Variants in TACC1 observed in about 807,000 individuals in gnomAD.
TACC1 encodes the protein transforming acidic coiled-coil containing protein 1.
A neutral mutation model predicts 84.4 loss-of-function variants in TACC1; 48 were observed. The ratio of observed to expected loss-of-function variants is 0.57; its 90% CI spans 0.45 to 0.72. The LOEUF (loss-of-function observed/expected upper bound fraction) is 0.72, where lower values mean the gene tolerates loss of function less well. Ranked by LOEUF, TACC1 falls within the 30% of genes least tolerant of loss-of-function variation. TACC1 has a pLI of 0.00. For synonymous variants in TACC1, 372 were observed against 376.3 expected, an observed-to-expected ratio of 0.99 and a Z score of 0.13; for missense variants, 920 against 973.0, an observed-to-expected ratio of 0.95 and a Z score of 0.72.
chr8:38,809,435 T>C (rs1028784424), intron 2 of TACC1, among the ~76,000 whole-genome samples: 1 of 152,080 alleles, frequency 6.6e-6, no homozygotes, highest in Non-Finnish European at 1.5e-5. Flanking sequence ...CCTTTTTCTT[T>C]CCTCCCCCTT....
intron 3 of TACC1, among the ~76,000 whole-genome samples, chr8:38,824,971 C>A (rs765932741): frequency 6.6e-5 from 10 of 152,090 alleles, no homozygotes; most frequent in African/African-American, 9.7e-5. Flanking sequence ...CTGAATGTCT[C>A]CAGCTGCTAA....
intron 2 of TACC1, among the ~76,000 whole-genome samples, chr8:38,795,784 T>C (rs886436604): frequency 6.6e-6 from 1 of 152,174 alleles, no homozygotes; most frequent in Admixed American, 6.5e-5. Context: ...TACTTGTGAG[T>C]TCAAGATCTC....
intron 9 of TACC1, 147 bp from the exon 10 acceptor site, chr8:38,842,140 C>T (rs866163401): frequency 3.5e-5 from 30 of 867,992 alleles, no homozygotes; most frequent in African/African-American, 8.4e-5. Context: ...TGTTACCACG[C>T]GTCTCCCCCA....
At chr8:38,843,516 T>C (rs1831648506) in intron 11 of TACC1, 121 bp downstream of exon 11, 1 of 598,524 alleles carries the variant, frequency 1.7e-6, no homozygotes, top group Admixed American at 3.8e-5. Flanking sequence ...TTATTTCACT[T>C]TTTAAACCCT....
intron 3 of TACC1, among the ~76,000 whole-genome samples, chr8:38,763,275 G>A (rs550557009): frequency 6.6e-6 from 1 of 151,944 alleles, no homozygotes; most frequent in Admixed American, 6.6e-5. Flanking sequence ...ATAGCCTCTC[G>A]AGTAGCTGGA....
intron 1 of TACC1, among the ~76,000 whole-genome samples, chr8:38,737,877 G>A (rs1806276841): frequency 6.6e-6 from 1 of 151,978 alleles, no homozygotes; most frequent in Non-Finnish European, 1.5e-5. Flanking sequence ...ACAAGCATGT[G>A]CCTCCATGCC....
Position 38,820,347 on chromosome 8 carries a change from C to G in TACC1, c.1103C>G (p.Thr368Arg). 6.2e-7 allele frequency: 1 copy of G among 1,614,194 alleles called. No individual in the cohort carries two copies. ...ISKSAGLEQP[T>R]DPVARDGPLS... is the part of the protein sequence containing the mutation. ...AAGTCAGCAGGTTTAGAACAGCCTA[C>G]AGACCCAGTGGCACGAGACGGGCCT... is the stretch of plus-strand genomic sequence containing the variant. Residue 368 changes from threonine to arginine, a missense_variant, in exon 3 of 13, where the codon ACA (threonine) becomes AGA (arginine). Thr to Arg is a moderately conservative substitution (Grantham distance 71). Around this residue, in one of 2 missense-constraint regions of TACC1, gnomAD observed 762 missense variants for 747.3 expected, o/e 1.02. Coordinates refer to ENST00000317827, the MANE Select transcript of TACC1 (RefSeq NM_006283.3).
At position 38,852,957 on chromosome 8, in the gene TACC1, AATT is replaced by A. The variant is rs1405554846; in HGVS notation, c.*4940_*4942del. 6.5e-6 allele frequency: 1 copy of A among 152,766 alleles called. No individual in the cohort carries two copies. The highest frequency in any genetic ancestry group is 2.1e-4 in the South Asian group (1 of 4,828). The allele number at this position is 152,766 out of a possible 1,614,324, so 9.5% of individuals were successfully genotyped here. A position where few individuals can be genotyped will look rare whatever the true frequency, so the allele number is the denominator to read the frequency against. ...ACTATTTGTAAAAGTTATACTCACA[AATT>A]ATTATAATGATTACTAATATATTTT... On this transcript the variant is annotated 3_prime_UTR_variant, in exon 13 of 13. Transcript: ENST00000317827.
chr8:38,800,903 A>G (rs952511187), intron 2 of TACC1, among the ~76,000 whole-genome samples: 1 of 152,104 alleles, frequency 6.6e-6, no homozygotes, highest in Non-Finnish European at 1.5e-5. Context: ...ATCCTCTCCA[A>G]CACTTCTTAT....
At chr8:38,824,873 A>G (rs1302597852) in intron 3 of TACC1, 1 of 161,562 alleles carries the variant, frequency 6.2e-6, no homozygotes, top group South Asian at 1.7e-4. Flanking sequence ...TATGGCTTTT[A>G]GTGCAATAAA....
intron 3 of TACC1, among the ~76,000 whole-genome samples, chr8:38,759,140 C>G (rs940417735): frequency 2.0e-5 from 3 of 152,112 alleles, no homozygotes; most frequent in African/African-American, 7.2e-5. Context: ...AGGCAAAGAG[C>G]CATGGGTTGA....
intron 9 of TACC1, among the ~76,000 whole-genome samples, chr8:38,840,872 A>G (rs927304113): frequency 6.6e-6 from 1 of 152,074 alleles, no homozygotes; most frequent in Non-Finnish European, 1.5e-5. Flanking sequence ...CAACATGGAG[A>G]AACCCCGTCT....
chr8:38,769,308 TGGG>T (rs1216472825), intron 3 of TACC1, among the ~76,000 whole-genome samples: 1 of 111,442 alleles, frequency 9.0e-6, no homozygotes, highest in Non-Finnish European at 1.8e-5. Context: ...CTGTGTATGG[TGGG>T]GGGTGTGTGT....
intron 3 of TACC1, among the ~76,000 whole-genome samples, chr8:38,777,301 C>G (rs1053699209): frequency 2.0e-5 from 3 of 151,330 alleles, no homozygotes; most frequent in Non-Finnish European, 2.9e-5. Context: ...TCTCATGGAA[C>G]AGTCCTCAGG....
At chr8:38,731,767 C>CAACAACAACAAAAAA (rs1172157673) in intron 1 of TACC1, among the ~76,000 whole-genome samples, 1 of 151,366 alleles carries the variant, frequency 6.6e-6, no homozygotes, top group Non-Finnish European at 1.5e-5. Flanking sequence ...ACAACAACAA[C>CAACAACAACAAAAAA]AAAACTAGTC....
chr8:38,829,006 G>A (rs1828709709), intron 5 of TACC1, among the ~76,000 whole-genome samples: 1 of 152,184 alleles, frequency 6.6e-6, no homozygotes, highest in Non-Finnish European at 1.5e-5. Flanking sequence ...GCTAACCAGG[G>A]TGGAAGCCTC....
chr8:38,752,782 A>T (rs1809281024), intron 3 of TACC1, among the ~76,000 whole-genome samples: 2 of 152,138 alleles, frequency 1.3e-5, no homozygotes, highest in South Asian at 4.1e-4. Flanking sequence ...AGTAGATTTT[A>T]TTCTCTCTAT....
chr8:38,787,192 G>C, upstream of TACC1: 2 of 987,222 alleles, frequency 2.0e-6, no homozygotes, highest in Non-Finnish European at 2.4e-6. Flanking sequence ...TCTGGGGCGC[G>C]GCTCCGGCGG....
In TACC1 at chr8:38,819,673, T is replaced by C. The variant is rs868400944; in HGVS notation, c.429T>C (p.Phe143=). 3 of 1,614,210 alleles carry C rather than the reference T, an allele frequency of 1.9e-6. No homozygotes were observed. The highest frequency in any genetic ancestry group is 4.5e-5 in the East Asian group (2 of 44,886). ...TCAGAGAAGAACCTGAACATGATTT[T>C]AGCAAAATTTCCATCGTGAGGCCAT... ...KNFREEPEHD[F]SKISIVRPFS... is the part of the protein sequence containing the mutation. The change falls in exon 3 of 13, where the codon TTT becomes TTC. Residue 143 remains phenylalanine (F), a synonymous_variant. Transcript: ENST00000317827.
Sources: allele counts gnomAD v4.1 joint callset (sites outside exome capture counted in the v4.1 genomes callset), GRCh38; gene constraint gnomAD v4.1.1; regional missense constraint gnomAD v4.1.1; transcripts MANE v1.5; gene names NCBI Gene and HGNC (gene_info 2026-07-23, HGNC 2026-07-21).